Variants in GIGYF2 observed in about 807,000 individuals in gnomAD.
GIGYF2 encodes GRB10-interacting GYF protein 2.
GIGYF2 carries 25 observed loss-of-function variants against 208.1 expected under a neutral mutation model. The ratio of observed to expected loss-of-function variants is 0.12; its 90% confidence interval spans 0.09 to 0.17. The LOEUF (loss-of-function observed/expected upper bound fraction) is 0.17, where lower values mean the gene tolerates loss of function less well. Ranked by LOEUF, GIGYF2 falls within the 10% of genes least tolerant of loss-of-function variation. The pLI is 1.00. For synonymous variants in GIGYF2, 534 were observed against 543.8 expected (o/e 0.98, Z 0.25); for missense variants, 1,302 against 1,579.4 (o/e 0.82, Z 2.98).
intron 28 of GIGYF2, among the ~76,000 whole-genome samples, chr2:232,856,093 G>C (rs2106438247): frequency 6.6e-6 from 1 of 152,104 alleles, no homozygotes; most frequent in Non-Finnish European, 1.5e-5. Flanking sequence ...ACCACACCTA[G>C]CTAATGTTTT....
chr2:232,744,363 A>T (rs554432870), intron 3 of GIGYF2, among the ~76,000 whole-genome samples: 1 of 152,290 alleles, frequency 6.6e-6, no homozygotes, highest in East Asian at 1.9e-4. Flanking sequence ...CATTTGAAAG[A>T]GTGCTTAGAT....
At chr2:232,799,804 A>G (rs953453189) in intron 14 of GIGYF2, among the ~76,000 whole-genome samples, 1 of 152,110 alleles carries the variant, frequency 6.6e-6, no homozygotes, top group Non-Finnish European at 1.5e-5. Flanking sequence ...ACACTTTTTT[A>G]ATAGTAGCCA....
chr2:232,738,726 A>G (rs987329491), intron 3 of GIGYF2, among the ~76,000 whole-genome samples: 1 of 152,232 alleles, frequency 6.6e-6, no homozygotes, highest in Non-Finnish European at 1.5e-5. Flanking sequence ...GCTATTGTAA[A>G]TGATATGTAT....
At chr2:232,802,854 T>G (rs940398675) in intron 14 of GIGYF2, among the ~76,000 whole-genome samples, 5 of 152,166 alleles carry the variant, frequency 3.3e-5, no homozygotes, top group Non-Finnish European at 7.4e-5. Flanking sequence ...TGGTGCGTTT[T>G]TCACCAGAGA....
At chr2:232,845,673 C>A in intron 25 of GIGYF2, 59 bp from the exon 26 acceptor site, 1 of 1,392,326 alleles carries the variant, frequency 7.2e-7, no homozygotes, top group East Asian at 2.3e-5. Flanking sequence ...TGGTGTTGTA[C>A]TATAATCATA....
intron 11 of GIGYF2, 39 bp from the exon 12 acceptor site, chr2:232,791,219 A>C: frequency 6.2e-7 from 1 of 1,613,890 alleles, no homozygotes. Flanking sequence ...ATCAAACCAA[A>C]ACTTTCGTAA....
intron 22 of GIGYF2, among the ~76,000 whole-genome samples, chr2:232,837,051 T>G (rs953760525): frequency 3.9e-5 from 6 of 152,210 alleles, no homozygotes; most frequent in African/African-American, 1.4e-4. Context: ...TCCTGATGGC[T>G]TGGCCCGGCC....
chr2:232,854,640 G>A (rs905735044), intron 28 of GIGYF2, among the ~76,000 whole-genome samples: 2 of 152,066 alleles, frequency 1.3e-5, no homozygotes, highest in Admixed American at 1.3e-4. Flanking sequence ...CCCTATATTT[G>A]GTCTTGTAAG....
chr2:232,799,201 A>G (rs1343041445), intron 14 of GIGYF2, among the ~76,000 whole-genome samples: 3 of 151,900 alleles, frequency 2.0e-5, no homozygotes, highest in Admixed American at 1.3e-4. Flanking sequence ...TATCCATTTC[A>G]TCTATTGATG....
intron 1 of GIGYF2, among the ~76,000 whole-genome samples, chr2:232,702,088 A>T (rs1468927986): frequency 6.6e-6 from 1 of 152,098 alleles, no homozygotes; most frequent in East Asian, 1.9e-4. Flanking sequence ...TCAAGGCTAC[A>T]GTGAGCTCTG....
intron 3 of GIGYF2, among the ~76,000 whole-genome samples, chr2:232,745,904 C>T (rs1698133090): frequency 6.6e-6 from 1 of 152,062 alleles, no homozygotes; most frequent in Non-Finnish European, 1.5e-5. Context: ...ACATGAAATG[C>T]AAAAGACAGA....
intron 8 of GIGYF2, among the ~76,000 whole-genome samples, chr2:232,786,680 T>C (rs1408198597): frequency 6.6e-6 from 1 of 152,218 alleles, no homozygotes; most frequent in Non-Finnish European, 1.5e-5. Flanking sequence ...AAGTATGTGC[T>C]AGTAAGGAAG....
At position 232,833,107 on chromosome 2, in the gene GIGYF2, C is replaced by T; in HGVS notation, c.2766+14C>T. ...GCGCAGATGAAGGTAAAGCCCGAGGCATCAACCTTAGGAGCTCCTTGCTAA... is the reference window on the plus strand; with the variant it reads ...GCGCAGATGAAGGTAAAGCCCGAGGTATCAACCTTAGGAGCTCCTTGCTAA... On this transcript the variant is annotated intron_variant, in intron 22 of 28. Transcript: ENST00000373563. 1.3e-6 allele frequency: 2 copies of T among 1,533,866 alleles called. No homozygotes were observed. The highest frequency in any genetic ancestry group is 2.4e-5 in the South Asian group (2 of 83,668).
chr2:232,771,127 G>T, intron 8 of GIGYF2: 1 of 1,614,084 alleles, frequency 6.2e-7, no homozygotes. Flanking sequence ...ATTCATCTCA[G>T]CCAGAACATA....
At chr2:232,800,820 A>ACCAGAGGACTGCTTGAGT (rs1700374165) in intron 14 of GIGYF2, among the ~76,000 whole-genome samples, 1 of 151,836 alleles carries the variant, frequency 6.6e-6, no homozygotes, top group South Asian at 2.1e-4. Context: ...GGAGGCTGAG[A>ACCAGAGGACTGCTTGAGT]CCAGAGGACT....
intron 21 of GIGYF2, 138 bp downstream of exon 21, chr2:232,820,123 C>G: frequency 1.3e-6 from 1 of 782,688 alleles, no homozygotes; most frequent in Non-Finnish European, 2.1e-6. Flanking sequence ...CTAACTGGCT[C>G]TTATTACTTC....
At chr2:232,743,472 G>A (rs767064947) in intron 3 of GIGYF2, among the ~76,000 whole-genome samples, 13 of 152,100 alleles carry the variant, frequency 8.5e-5, no homozygotes, top group South Asian at 4.1e-4. Context: ...AGGTAAACTT[G>A]TGTCAATGGG....
chr2:232,721,301 A>G (rs748397278), intron 2 of GIGYF2, among the ~76,000 whole-genome samples: 1 of 152,172 alleles, frequency 6.6e-6, no homozygotes. Context: ...TCTTCCCTTG[A>G]CCAAATCTCT....
In GIGYF2 at chr2:232,844,518, G is replaced by T; in HGVS notation, c.3249G>T (p.Val1083=). 1 of 1,613,906 alleles carries T rather than the reference G, an allele frequency of 6.2e-7. No individual in the cohort carries two copies. The highest frequency in any genetic ancestry group is 8.5e-7 in the Non-Finnish European group (1 of 1,179,840). The stretch of plus-strand genomic sequence containing the variant: ...ACATGGGATTCTGGGATGATGCAGT[G>T]AAAGAGGTGGGACCTAGGAATTCAA... ...NSNMGFWDDA[V]KEVGPRNSTN... Residue 1083 remains valine, a synonymous_variant, in exon 25 of 29, where the codon GTG becomes GTT. Coordinates refer to ENST00000373563, the MANE Select transcript of GIGYF2 (RefSeq NM_001103146.3).
Sources: gnomAD v4.1 joint callset for allele counts (sites outside exome capture counted in the v4.1 genomes callset) on GRCh38, gnomAD v4.1.1 for gene constraint, MANE v1.5 for transcripts, NCBI Gene and HGNC (gene_info 2026-07-23, HGNC 2026-07-21) for gene names.